The following MORC3 variants were observed in gnomAD, a reference collection of about 807,000 sequenced individuals.
MORC3 encodes the protein MORC family CW-type zinc finger protein 3.
MORC3 carries 31 observed loss-of-function variants against 109.1 expected under a neutral mutation model. The ratio of observed to expected loss-of-function variants is 0.28; its 90% confidence interval spans 0.21 to 0.38. MORC3 has a LOEUF of 0.38. Ranked by LOEUF, MORC3 falls within the 10% of genes least tolerant of loss-of-function variation. The pLI is 1.00. For missense variants in MORC3, 867 were observed against 1,135.8 expected, an observed-to-expected ratio of 0.76 and a Z score of 3.40; for synonymous variants, 395 against 380.7, an observed-to-expected ratio of 1.04 and a Z score of -0.44.
At chr21:36,365,721 C>T in intron 14 of MORC3, among the ~76,000 whole-genome samples, 1 of 152,128 alleles carries the variant, frequency 6.6e-6, no homozygotes, top group East Asian at 1.9e-4. Context: ...GCTGGGGTTA[C>T]AGGCACGCAC....
At chr21:36,337,693 A>T (rs1199316794) in intron 3 of MORC3, 39 bp from the exon 4 acceptor site, 1 of 1,238,298 alleles carries the variant, frequency 8.1e-7, no homozygotes, top group Non-Finnish European at 1.1e-6. Flanking sequence ...ATTTTTGATT[A>T]TAGGTATTTA....
intron 9 of MORC3, among the ~76,000 whole-genome samples, chr21:36,355,873 C>G (rs1221522567): frequency 6.6e-6 from 1 of 151,852 alleles, no homozygotes; most frequent in Non-Finnish European, 1.5e-5. Context: ...ACATATCAAG[C>G]AATTTATACT....
chr21:36,374,109 A>T (rs1474170529), intron 16 of MORC3, among the ~76,000 whole-genome samples: 1 of 152,010 alleles, frequency 6.6e-6, no homozygotes, highest in Non-Finnish European at 1.5e-5. Flanking sequence ...ATTTTTTTGG[A>T]GACAGAGTCT....
intron 5 of MORC3, 110 bp from the exon 6 acceptor site, chr21:36,341,289 A>T: frequency 9.8e-7 from 1 of 1,021,190 alleles, no homozygotes; most frequent in Non-Finnish European, 1.4e-6. Flanking sequence ...ACTGACGTGC[A>T]CCATGTGTAG....
At chr21:36,338,121 TCTC>T (rs960411458) in intron 4 of MORC3, among the ~76,000 whole-genome samples, 175 bp downstream of exon 4, 2 of 152,214 alleles carry the variant, frequency 1.3e-5, no homozygotes. Flanking sequence ...CCCTTTCTCT[TCTC>T]TGTTGGAATC....
At chr21:36,356,784 T>A in intron 10 of MORC3, 60 bp downstream of exon 10, 1 of 1,118,042 alleles carries the variant, frequency 8.9e-7, no homozygotes, top group Non-Finnish European at 1.3e-6. Context: ...TATTAGAGAG[T>A]AAAGGGATTG....
intron 9 of MORC3, among the ~76,000 whole-genome samples, chr21:36,354,323 C>CTT (rs144208712): frequency 0.019 from 2,187 of 113,604 alleles, 96 homozygotes; most frequent in African/African-American, 0.048. Context: ...TTCTTTCTTT[C>CTT]TTTTTTTTTT....
rs776090858 is a variant in MORC3, at chr21:36,369,194, A to G, written c.1826A>G (p.Gln609Arg). ...EQSHVEQGGV[Q>R]VEFVGDSEPC... ...AGTCACGTTGAGCAAGGTGGTGTTC[A>G]GGTTGAGTTTGTGGGTGACAGTGAA... is the stretch of plus-strand genomic sequence containing the variant. Residue 609 changes from glutamine (Q) to arginine (R), a missense_variant, in exon 15 of 17, where the codon CAG becomes CGG. Physicochemically the swap from Gln to Arg is conservative, Grantham distance 43. Transcript: ENST00000400485. 6 of 1,614,106 alleles carry G rather than the reference A, an allele frequency of 3.7e-6. No individual in the cohort carries two copies. Among genetic ancestry groups the G allele is most frequent in the Non-Finnish European group, 1.7e-6 (2 of 1,180,052 alleles).
At chr21:36,362,475 A>T (rs948910893) in intron 13 of MORC3, among the ~76,000 whole-genome samples, 1 of 152,006 alleles carries the variant, frequency 6.6e-6, no homozygotes, top group Non-Finnish European at 1.5e-5. Context: ...CCTGGGAGGT[A>T]GCTGTTGCAG....
chr21:36,359,973 A>G lies in MORC3; in HGVS notation c.1227A>G (p.Thr409=), dbSNP rs776352255. 14 of 1,614,062 alleles carry G rather than the reference A, an allele frequency of 8.7e-6. No individual in the cohort carries two copies. The highest frequency in any genetic ancestry group is 3.3e-5 in the South Asian group (3 of 91,088). ...VEDIQKRPDQ[T]WVQCDACLKW... ...GGGACAGGAAGCGTCCTGATCAGAC[A>G]TGGGTTCAGTGTGATGCCTGTCTAA... The change falls in exon 11 of 17, where the codon ACA becomes ACG. Residue 409 remains threonine (T), a synonymous_variant. Transcript: ENST00000400485.
chr21:36,359,922 C>T, intron 10 of MORC3, 33 bp from the exon 11 acceptor site: 2 of 1,611,802 alleles, frequency 1.2e-6, no homozygotes, highest in Non-Finnish European at 1.7e-6. Flanking sequence ...GTCCATATTT[C>T]TGTGTTAATA....
At chr21:36,330,482 C>T (rs1055001978) in intron 1 of MORC3, among the ~76,000 whole-genome samples, 2 of 152,138 alleles carry the variant, frequency 1.3e-5, no homozygotes, top group African/African-American at 4.8e-5. Context: ...AACCAATGTA[C>T]ATCTTAAATG....
intron 5 of MORC3, 198 bp downstream of exon 5, chr21:36,339,119 TA>T (rs936065866): frequency 7.0e-5 from 40 of 570,708 alleles, no homozygotes; most frequent in African/African-American, 5.6e-4. Context: ...TTCATCTTGT[TA>T]AAAAAAATTT....
chr21:36,374,346 C>G (rs1485062783), intron 16 of MORC3, among the ~76,000 whole-genome samples: 1 of 152,098 alleles, frequency 6.6e-6, no homozygotes, highest in Non-Finnish European at 1.5e-5. Context: ...CCGCCTCAGC[C>G]TCCCAAAGTG....
At chr21:36,355,862 T>C (rs2085639300) in intron 9 of MORC3, among the ~76,000 whole-genome samples, 1 of 152,056 alleles carries the variant, frequency 6.6e-6, no homozygotes, top group Non-Finnish European at 1.5e-5. Flanking sequence ...CGCCTCAACC[T>C]ACATATCAAG....
intron 14 of MORC3, among the ~76,000 whole-genome samples, chr21:36,364,761 T>C (rs1375972336): frequency 6.6e-6 from 1 of 151,676 alleles, no homozygotes; most frequent in Non-Finnish European, 1.5e-5. Flanking sequence ...CTTAAAAAAA[T>C]GTGAAGCAGC....
intron 13 of MORC3, among the ~76,000 whole-genome samples, chr21:36,362,591 G>A (rs2085732158): frequency 6.6e-6 from 1 of 151,874 alleles, no homozygotes; most frequent in Non-Finnish European, 1.5e-5. Context: ...TGACCAGGCT[G>A]GTCTTGAACT....
intron 1 of MORC3, chr21:36,333,356 G>A (rs1029624501): frequency 1.4e-5 from 5 of 362,558 alleles, no homozygotes; most frequent in Non-Finnish European, 2.5e-5. Flanking sequence ...TTTAAGGTAG[G>A]TCTTGGCAAG....
At chr21:36,325,164 A>G (rs2085235379) in intron 1 of MORC3, among the ~76,000 whole-genome samples, 1 of 152,238 alleles carries the variant, frequency 6.6e-6, no homozygotes, top group African/African-American at 2.4e-5. Flanking sequence ...TAGACCATAA[A>G]AAATGGGAAC....
Sources: allele counts gnomAD v4.1 joint callset (sites outside exome capture counted in the v4.1 genomes callset), GRCh38; gene constraint gnomAD v4.1.1; transcripts MANE v1.5; gene names NCBI Gene and HGNC (gene_info 2026-07-23, HGNC 2026-07-21).